Variants in PHF21A observed in about 807,000 individuals in gnomAD.
PHF21A encodes the protein PHD finger protein 21A.
A neutral mutation model predicts 82.5 loss-of-function variants in PHF21A; 11 were observed. The observed-to-expected ratio is 0.13, with a 90% CI of 0.08 to 0.22. The LOEUF is 0.22. Ranked by LOEUF, PHF21A falls within the 10% of genes least tolerant of loss-of-function variation. The pLI is 1.00. For synonymous variants in PHF21A, 297 were observed against 302.8 expected, an observed-to-expected ratio of 0.98 and a Z score of 0.20; for missense variants, 579 against 837.8, an observed-to-expected ratio of 0.69 and a Z score of 3.81.
chr11:45,972,680 G>A (rs1290747016), intron 7 of PHF21A, among the ~76,000 whole-genome samples: 1 of 152,160 alleles, frequency 6.6e-6, no homozygotes, highest in Non-Finnish European at 1.5e-5. Context: ...TTGGGAGGCC[G>A]ATGCGGGTGG....
chr11:46,085,615 A>G (rs959676542), intron 3 of PHF21A, among the ~76,000 whole-genome samples: 1 of 152,162 alleles, frequency 6.6e-6, no homozygotes, highest in Non-Finnish European at 1.5e-5. Flanking sequence ...GCTTTTTAGC[A>G]TTCATATAAA....
chr11:46,029,572 C>T (rs956719379), intron 6 of PHF21A, among the ~76,000 whole-genome samples: 2 of 151,474 alleles, frequency 1.3e-5, no homozygotes, highest in Admixed American at 6.6e-5. Context: ...TCTGTAATCC[C>T]AGCTACTTGG....
intron 6 of PHF21A, among the ~76,000 whole-genome samples, chr11:46,022,556 G>C (rs1288203264): frequency 1.3e-5 from 2 of 152,158 alleles, no homozygotes; most frequent in Non-Finnish European, 2.9e-5. Context: ...CAAACTCCTG[G>C]GCTCAAGCAA....
intron 6 of PHF21A, among the ~76,000 whole-genome samples, chr11:45,993,904 A>G (rs1176415144): frequency 6.6e-6 from 1 of 152,066 alleles, no homozygotes; most frequent in Non-Finnish European, 1.5e-5. Context: ...TGAATTTCCT[A>G]GAAACTGCTC....
At chr11:46,089,439 CAT>C (rs1425069466) in intron 3 of PHF21A, among the ~76,000 whole-genome samples, 2 of 152,012 alleles carry the variant, frequency 1.3e-5, no homozygotes, top group African/African-American at 4.8e-5. Context: ...CATTAAAAAA[CAT>C]AATGTAATGT....
rs142697763 is a variant in PHF21A at position 45,990,579 on chromosome 11, T to C, written c.154-10613A>G. On this transcript the variant is annotated intron_variant, in intron 6 of 18. Coordinates refer to ENST00000676320, the MANE Select transcript of PHF21A (RefSeq NM_001352027.3). ...CTAGCCCATTTTCATCTTCTTCCAGTATACTCCTAAGTACTGAAGCTGTGA... is the reference window on the plus strand; with the variant it reads ...CTAGCCCATTTTCATCTTCTTCCAGCATACTCCTAAGTACTGAAGCTGTGA... 5.3e-5 allele frequency among the ~76,000 whole-genome samples: 8 copies of C among 152,242 alleles called. No homozygotes were observed. The East Asian group carries it at 1.5e-3, about 29-fold the overall frequency.
intron 5 of PHF21A, among the ~76,000 whole-genome samples, chr11:46,077,499 G>A (rs2096740662): frequency 6.6e-6 from 1 of 152,218 alleles, no homozygotes; most frequent in Admixed American, 6.5e-5. Flanking sequence ...GCTTAATGTA[G>A]CAGGACAGCC....
chr11:45,969,808 TA>T lies in PHF21A; in HGVS notation c.702+6del. 1 of 1,584,260 alleles carries T rather than the reference TA, an allele frequency of 6.3e-7. No individual in the cohort carries two copies. The highest frequency in any genetic ancestry group is 2.2e-5 in the East Asian group (1 of 44,712). ...CCTATCATTGAGCTTGTCATTGGTT[TA>T]CTCACCTGTGGAAGAAAGTTTGGAC... On this transcript the variant is annotated splice_donor_region_variant and intron_variant, in intron 9 of 18. Coordinates refer to ENST00000676320, the MANE Select transcript of PHF21A (RefSeq NM_001352027.3).
chr11:45,987,201 A>G (rs2094520045), intron 6 of PHF21A, among the ~76,000 whole-genome samples: 1 of 151,828 alleles, frequency 6.6e-6, no homozygotes, highest in African/African-American at 2.4e-5. Flanking sequence ...AGCTATAATC[A>G]TGCCACTACA....
intron 6 of PHF21A, among the ~76,000 whole-genome samples, chr11:46,010,222 T>C (rs914136079): frequency 6.6e-6 from 1 of 152,192 alleles, no homozygotes; most frequent in African/African-American, 2.4e-5. Context: ...ATAATGGAGA[T>C]TTAATAATTC....
At chr11:45,976,160 C>T (rs1426356792) in intron 7 of PHF21A, among the ~76,000 whole-genome samples, 1 of 152,154 alleles carries the variant, frequency 6.6e-6, no homozygotes, top group Non-Finnish European at 1.5e-5. Flanking sequence ...CATACATTTA[C>T]TATTTTGACG....
chr11:46,039,980 C>T (rs2096093158), intron 6 of PHF21A, among the ~76,000 whole-genome samples: 2 of 152,170 alleles, frequency 1.3e-5, no homozygotes, highest in African/African-American at 4.8e-5. Context: ...ATACAAACAG[C>T]ATTTTTTGGG....
chr11:45,955,417 T>A (rs1259697728), intron 10 of PHF21A, among the ~76,000 whole-genome samples: 2 of 152,138 alleles, frequency 1.3e-5, no homozygotes, highest in Non-Finnish European at 2.9e-5. Context: ...TATTTTCATG[T>A]CTCTTTGAAT....
At chr11:46,036,845 T>A (rs1460495077) in intron 6 of PHF21A, among the ~76,000 whole-genome samples, 1 of 152,156 alleles carries the variant, frequency 6.6e-6, no homozygotes, top group Non-Finnish European at 1.5e-5. Context: ...ATGATATACA[T>A]CTGTTGTTTA....
intron 3 of PHF21A, among the ~76,000 whole-genome samples, chr11:46,084,545 C>T (rs1592995273): frequency 6.6e-6 from 1 of 152,134 alleles, no homozygotes; most frequent in South Asian, 2.1e-4. Flanking sequence ...TAAGCACCCA[C>T]TACATGCTCA....
chr11:45,934,060 G>C lies in PHF21A; in HGVS notation c.1954C>G (p.Pro652Ala), dbSNP rs1181980791. The change falls in exon 19 of 19, where the codon CCC becomes GCC. Residue 652 changes from proline to alanine, a missense_variant. Physicochemically the swap from Pro to Ala is conservative, Grantham distance 27. Around this residue, in one of 3 missense-constraint regions of PHF21A, gnomAD observed 157 missense variants for 149.4 expected, o/e 1.05. Transcript: ENST00000676320. ...GAISNGPDCTPPANAATSTPA... is the reference protein window; with the variant it reads ...GAISNGPDCTAPANAATSTPA... ...GTGGAGGTGGCGGCATTGGCAGGGG[G>C]GGTGCAGTCCGGGCCATTGGAGATG... 1.9e-6 allele frequency: 3 copies of C among 1,613,798 alleles called. No homozygotes were observed. The Admixed American group carries it at 5.0e-5, about 27-fold the overall frequency.
At chr11:46,065,732 A>C (rs1045669422) in intron 6 of PHF21A, among the ~76,000 whole-genome samples, 1 of 152,224 alleles carries the variant, frequency 6.6e-6, no homozygotes, top group African/African-American at 2.4e-5. Context: ...CCTTTTCTTT[A>C]ACAAAAGTTG....
intron 6 of PHF21A, among the ~76,000 whole-genome samples, chr11:46,009,024 G>T (rs2095358745): frequency 1.4e-5 from 2 of 147,468 alleles, no homozygotes; most frequent in Admixed American, 1.4e-4. Flanking sequence ...GCTCACGCTG[G>T]AGTGCAGTGG....
intron 1 of PHF21A, among the ~76,000 whole-genome samples, chr11:46,104,324 C>T (rs1469535853): frequency 6.6e-6 from 1 of 152,032 alleles, no homozygotes; most frequent in Non-Finnish European, 1.5e-5. Context: ...GTTACAATGC[C>T]TAGTCTACTA....
Sources: allele counts gnomAD v4.1 joint callset (sites outside exome capture counted in the v4.1 genomes callset), GRCh38; gene constraint gnomAD v4.1.1; regional missense constraint gnomAD v4.1.1; transcripts MANE v1.5; gene names NCBI Gene and HGNC (gene_info 2026-07-23, HGNC 2026-07-21).